PREX1: variants seen among roughly 807,000 people sequenced by gnomAD.
The protein encoded by PREX1 is phosphatidylinositol 3,4,5-trisphosphate-dependent Rac exchanger 1 protein.
A neutral mutation model predicts 198.3 loss-of-function variants in PREX1; 41 were observed. The observed-to-expected ratio is 0.21, with a 90% CI of 0.16 to 0.27. The LOEUF (loss-of-function observed/expected upper bound fraction) is 0.27. Ranked by LOEUF, PREX1 falls within the 10% of genes least tolerant of loss-of-function variation. The probability of loss-of-function intolerance (pLI) is 1.00; values close to 1 mark genes in which losing one functional copy is unlikely to be tolerated. For missense variants in PREX1, 1,620 were observed against 2,200.7 expected, an observed-to-expected ratio of 0.74 and a Z score of 5.28; for synonymous variants, 843 against 887.2, an observed-to-expected ratio of 0.95 and a Z score of 0.89.
chr20:48,702,122 C>G (rs577863696), intron 6 of PREX1, among the ~76,000 whole-genome samples: 1 of 151,408 alleles, frequency 6.6e-6, no homozygotes, highest in South Asian at 2.1e-4. Context: ...GGCAGAGAAT[C>G]GCTTGAACCC....
At position 48,688,810 on chromosome 20, in the gene PREX1, C is replaced by T. The variant is rs756755104; in HGVS notation, c.1187-6G>A. On this transcript the variant is annotated splice_region_variant and splice_polypyrimidine_tract_variant and intron_variant, in intron 9 of 39. Coordinates refer to ENST00000371941, the MANE Select transcript of PREX1 (RefSeq NM_020820.4). The stretch of plus-strand genomic sequence containing the variant: ...CTCCATGCCCAGCTTCAGGCCTACA[C>T]AGGGGCACGGTCAGCACTGGAGAGA... The T allele has an allele frequency of 6.2e-7, 1 of 1,613,934 alleles. No homozygotes were observed. Among genetic ancestry groups the T allele is most frequent in the African/African-American group, 1.3e-5 (1 of 74,912 alleles).
upstream of PREX1, among the ~76,000 whole-genome samples, chr20:48,831,146 T>C (rs1473075975): frequency 6.6e-6 from 1 of 152,092 alleles, no homozygotes; most frequent in Non-Finnish European, 1.5e-5. Flanking sequence ...AACAGCAACA[T>C]TGCCTCCTCA....
chr20:48,862,790 A>AAT, the PREX1 span, among the ~76,000 whole-genome samples: 115 of 102,528 alleles, frequency 1.1e-3, no homozygotes, highest in East Asian at 5.1e-3. Flanking sequence ...TAAAAAAAAA[A>AAT]ATATATATAT....
At chr20:48,765,582 T>C (rs1381625749) in intron 1 of PREX1, among the ~76,000 whole-genome samples, 2 of 152,206 alleles carry the variant, frequency 1.3e-5, no homozygotes, top group African/African-American at 4.8e-5. Context: ...TACACCCCCA[T>C]TTCACAGACA....
chr20:48,717,695 T>C (rs759144053), intron 5 of PREX1, among the ~76,000 whole-genome samples: 1 of 152,206 alleles, frequency 6.6e-6, no homozygotes, highest in Non-Finnish European at 1.5e-5. Flanking sequence ...CTAGGAAAAC[T>C]GTAGTCCCAC....
chr20:48,834,027 G>A, the PREX1 span, among the ~76,000 whole-genome samples: 1 of 151,742 alleles, frequency 6.6e-6, no homozygotes, highest in Non-Finnish European at 1.5e-5. Flanking sequence ...ATTGCAGTGA[G>A]CCAGTGAGCC....
the PREX1 span, among the ~76,000 whole-genome samples, chr20:48,837,831 TGA>T: frequency 7.1e-6 from 1 of 141,166 alleles, no homozygotes; most frequent in Non-Finnish European, 1.5e-5. Flanking sequence ...AAAAGTTTAA[TGA>T]GAGAGAGAGA....
rs1265453006 is a variant in PREX1, at chr20:48,684,153, A to G, written c.1335-2818T>C. Among the ~76,000 whole-genome samples, 2 of 152,206 alleles carry G rather than the reference A, an allele frequency of 1.3e-5. No individual in the cohort carries two copies. The highest frequency in any genetic ancestry group is 2.1e-4 in the South Asian group (1 of 4,816). On this transcript the variant is annotated intron_variant, in intron 10 of 39. Transcript: ENST00000371941. The surrounding 1 kb of genome is among the most constrained non-coding windows in gnomAD (Gnocchi z 4.2). ...TCCTTCCCGCCTCCTAGAATCATTC[A>G]CCCACTAAACATCTATTTAGCCTAC...
chr20:48,777,954 A>G (rs1471281499), intron 1 of PREX1, among the ~76,000 whole-genome samples: 1 of 152,190 alleles, frequency 6.6e-6, no homozygotes, highest in Non-Finnish European at 1.5e-5. Flanking sequence ...CAATGCCAAC[A>G]GAAGCCATGC....
chr20:48,673,129 T>C (rs1044276543), intron 14 of PREX1, among the ~76,000 whole-genome samples: 3 of 152,196 alleles, frequency 2.0e-5, no homozygotes, highest in Admixed American at 6.5e-5. Flanking sequence ...AGGAGCGGAC[T>C]CTGCAGTGGG....
the PREX1 span, among the ~76,000 whole-genome samples, chr20:48,836,004 G>C: frequency 6.6e-6 from 1 of 152,202 alleles, no homozygotes; most frequent in Non-Finnish European, 1.5e-5. Flanking sequence ...GAGGATCTAG[G>C]GGTGAAATAG....
intron 3 of PREX1, among the ~76,000 whole-genome samples, chr20:48,737,909 C>T (rs915867651): frequency 6.6e-6 from 1 of 152,300 alleles, no homozygotes; most frequent in African/African-American, 2.4e-5. Flanking sequence ...TGCCTGAAGC[C>T]AACCTACACT....
the PREX1 span, among the ~76,000 whole-genome samples, chr20:48,887,922 C>T: frequency 2.6e-5 from 4 of 152,002 alleles, no homozygotes; most frequent in South Asian, 6.2e-4. Context: ...CGCACTCCAG[C>T]CTGGGCGACA....
At chr20:48,685,055 C>T (rs1242050468) in intron 10 of PREX1, among the ~76,000 whole-genome samples, 2 of 152,208 alleles carry the variant, frequency 1.3e-5, no homozygotes, top group Non-Finnish European at 2.9e-5. Flanking sequence ...ATTTCCTTAG[C>T]GCATTCATCA....
At chr20:48,658,615 C>T (rs532499716) in intron 16 of PREX1, among the ~76,000 whole-genome samples, 3 of 152,330 alleles carry the variant, frequency 2.0e-5, no homozygotes, top group South Asian at 2.1e-4. Context: ...GCCCATCACA[C>T]GGGCCAGGCA....
intron 16 of PREX1, 102 bp from the exon 17 acceptor site, chr20:48,658,330 T>G (rs1307179646): frequency 8.4e-7 from 1 of 1,184,970 alleles, no homozygotes; most frequent in Non-Finnish European, 1.2e-6. Flanking sequence ...CCAGGTCTAG[T>G]AGGGAAGTGG....
intron 33 of PREX1, among the ~76,000 whole-genome samples, chr20:48,634,187 G>GATGC (rs1479620149): frequency 2.0e-4 from 29 of 145,888 alleles, no homozygotes; most frequent in Admixed American, 1.6e-3. Context: ...TGGATGGATG[G>GATGC]ATGGATGGAT....
At chr20:48,690,550 G>C (rs1287057799) in intron 9 of PREX1, among the ~76,000 whole-genome samples, 1 of 151,860 alleles carries the variant, frequency 6.6e-6, no homozygotes, top group South Asian at 2.1e-4. Context: ...GGGGGTGCCT[G>C]TGCCCAGAGG....
chr20:48,628,744 C>T (rs1032045792), intron 37 of PREX1, among the ~76,000 whole-genome samples: 1 of 152,240 alleles, frequency 6.6e-6, no homozygotes, highest in Admixed American at 6.5e-5. Flanking sequence ...AGTTAATCTG[C>T]ATGGAACGTC....
Sources: gnomAD v4.1 joint callset for allele counts (sites outside exome capture counted in the v4.1 genomes callset) on GRCh38, gnomAD v4.1.1 for gene constraint, Gnocchi (gnomAD v3.1) non-coding constraint, MANE v1.5 for transcripts, NCBI Gene and HGNC (gene_info 2026-07-23, HGNC 2026-07-21) for gene names.